The following RAPH1 variants were observed in gnomAD, a reference collection of about 807,000 sequenced individuals.
RAPH1 encodes the protein Ras association (RalGDS/AF-6) and pleckstrin homology domains 1, also known as ras-associated and pleckstrin homology domains-containing protein 1.
In RAPH1, 18 loss-of-function variants were observed where a neutral mutation model predicts 88.1. The ratio of observed to expected loss-of-function variants is 0.20; its 90% CI spans 0.14 to 0.30. The LOEUF (loss-of-function observed/expected upper bound fraction) is 0.30. RAPH1 is among the 10% of genes least tolerant of loss of function. RAPH1 has a pLI of 1.00. For synonymous variants in RAPH1, 587 were observed against 559.0 expected, an observed-to-expected ratio of 1.05 and a Z score of -0.71; for missense variants, 1,448 against 1,543.2, an observed-to-expected ratio of 0.94 and a Z score of 1.03.
At chr2:203,506,764 A>ATATATC (rs1158519944) in intron 1 of RAPH1, among the ~76,000 whole-genome samples, 1 of 129,336 alleles carries the variant, frequency 7.7e-6, no homozygotes. Flanking sequence ...ATATCTATAT[A>ATATATC]TATATCTATA....
At chr2:203,493,915 G>C (rs893438286) in intron 2 of RAPH1, among the ~76,000 whole-genome samples, 4 of 135,110 alleles carry the variant, frequency 3.0e-5, no homozygotes, top group South Asian at 2.4e-4. Flanking sequence ...TGGTTGCACT[G>C]AGCTGAGATC....
chr2:203,433,808 C>T lies in RAPH1; in HGVS notation c.*5629G>A, dbSNP rs551768978. The T allele has an allele frequency of 6.6e-6, 1 of 152,402 alleles. No homozygotes were observed. The highest frequency in any genetic ancestry group is 6.6e-5 in the Admixed American group (1 of 15,254). 9.4% of individuals were successfully genotyped at this position (152,402 alleles called of 1,614,324 possible). On this transcript the variant is annotated 3_prime_UTR_variant, in exon 14 of 14. Transcript: ENST00000319170. ...GTGCCGATCCACAAACACTCAAAGT[C>T]CCCATGTTTAAATGAAATCTATGAA...
At chr2:203,530,342 CAAAT>C (rs1004963225) in intron 1 of RAPH1, among the ~76,000 whole-genome samples, 5 of 152,058 alleles carry the variant, frequency 3.3e-5, no homozygotes, top group Non-Finnish European at 7.4e-5. Flanking sequence ...ATTGTAAACT[CAAAT>C]AAAGAGATAA....
intron 13 of RAPH1, chr2:203,441,879 G>A: frequency 1.5e-6 from 2 of 1,349,716 alleles, no homozygotes; most frequent in Non-Finnish European, 1.9e-6. Flanking sequence ...GTTTAGGAGG[G>A]CTTCCTGGTG....
intron 5 of RAPH1, 96 bp downstream of exon 5, chr2:203,461,752 C>A: frequency 1.2e-6 from 1 of 836,826 alleles, no homozygotes; most frequent in Non-Finnish European, 1.8e-6. Context: ...TGTATCTCTC[C>A]ATATCTTAGA....
chr2:203,486,699 C>T (rs886557002), intron 4 of RAPH1, among the ~76,000 whole-genome samples: 3 of 152,136 alleles, frequency 2.0e-5, no homozygotes, highest in African/African-American at 7.2e-5. Context: ...ATTTTTAAAA[C>T]TGTATTTGCA....
chr2:203,441,011 G>T lies in RAPH1; in HGVS notation c.2179C>A (p.Gln727Lys). 6.6e-7 allele frequency: 1 copy of T among 1,525,464 alleles called. No homozygotes were observed. Among genetic ancestry groups the T allele is most frequent in the Non-Finnish European group, 8.9e-7 (1 of 1,127,396 alleles). 94.5% of individuals were successfully genotyped at this position (1,525,464 alleles called of 1,614,324 possible). Residue 727 changes from glutamine to lysine, a missense_variant, in exon 14 of 14, where the codon CAG becomes AAG. Physicochemically the swap from Gln to Lys is moderately conservative, Grantham distance 53. Coordinates refer to ENST00000319170, the MANE Select transcript of RAPH1 (RefSeq NM_213589.3). ...GGGGCACACGGTGCAGGCTTTAGCTGGGCCATGGCAGAGCCTGGGGTTGGG... is the reference window on the plus strand; with the variant it reads ...GGGGCACACGGTGCAGGCTTTAGCTTGGCCATGGCAGAGCCTGGGGTTGGG... ...PPPTPGSAMA[Q>K]LKPAPCAPSL...
At chr2:203,531,369 C>T (rs544539163) in intron 1 of RAPH1, among the ~76,000 whole-genome samples, 11 of 151,770 alleles carry the variant, frequency 7.2e-5, no homozygotes, top group Admixed American at 5.9e-4. Context: ...CAAACCTGCA[C>T]GTTGTGCATA....
Position 203,506,865 on chromosome 2 carries a change from T to TAG in RAPH1, c.1-11513_1-11512insCT, listed in dbSNP as rs1360269800. On this transcript the variant is annotated intron_variant, in intron 1 of 13. Coordinates refer to ENST00000319170, the MANE Select transcript of RAPH1 (RefSeq NM_213589.3). ...ATATATCTATCTATATCTATATATA[T>TAG]ATATATATATATATAGATATATATA... is the stretch of plus-strand genomic sequence containing the variant. Among the ~76,000 whole-genome samples, 3 of 90,154 alleles carry TAG rather than the reference T, an allele frequency of 3.3e-5. No individual in the cohort carries two copies. In the Admixed American group the frequency reaches 3.7e-4, roughly 11 times the overall value. 59.1% of individuals were successfully genotyped at this position (90,154 alleles called of 152,430 possible). A position where few individuals can be genotyped will look rare whatever the true frequency, so the allele number is the denominator to read the frequency against.
intron 1 of RAPH1, among the ~76,000 whole-genome samples, chr2:203,513,789 C>G (rs1689471835): frequency 6.8e-6 from 1 of 147,244 alleles, no homozygotes; most frequent in Admixed American, 6.8e-5. Flanking sequence ...GAGCCGAGAT[C>G]ACGCCACTGC....
In RAPH1 at chr2:203,440,372, G is replaced by A; in HGVS notation, c.2818C>T (p.Pro940Ser). 1 of 1,598,732 alleles carries A rather than the reference G, an allele frequency of 6.3e-7. No homozygotes were observed. Among genetic ancestry groups the A allele is most frequent in the Non-Finnish European group, 8.5e-7 (1 of 1,171,186 alleles). The part of the protein sequence containing the change: ...PPPSPVPAPP[P>S]PPPPTASPTP... ...GGAGAAGCTGTGGGTGGAGGTGGTG[G>A]TGGTGGGGCTGGGACAGGTGATGGG... The change falls in exon 14 of 14, where the codon CCA (proline) becomes TCA (serine). Residue 940 changes from proline to serine, a missense_variant. This residue lies in a region of RAPH1 where 935 missense variants were observed against 890.1 expected (regional missense o/e 1.05). Transcript: ENST00000319170.
chr2:203,467,955 A>G (rs946493375), intron 4 of RAPH1, among the ~76,000 whole-genome samples: 1 of 151,784 alleles, frequency 6.6e-6, no homozygotes, highest in African/African-American at 2.4e-5. Context: ...TTTTTTGTAG[A>G]GATGGGGTTT....
At chr2:203,467,674 C>T (rs952401683) in intron 4 of RAPH1, among the ~76,000 whole-genome samples, 3 of 152,148 alleles carry the variant, frequency 2.0e-5, no homozygotes, top group Non-Finnish European at 4.4e-5. Flanking sequence ...GGACCAACTT[C>T]AGGACTTGTG....
intron 1 of RAPH1, among the ~76,000 whole-genome samples, chr2:203,526,446 C>T (rs1475231267): frequency 6.6e-6 from 1 of 152,074 alleles, no homozygotes; most frequent in African/African-American, 2.4e-5. Flanking sequence ...ATACACTGGC[C>T]AGGCGAGATG....
intron 1 of RAPH1, among the ~76,000 whole-genome samples, chr2:203,529,765 C>T (rs568565833): frequency 2.1e-4 from 32 of 152,330 alleles, no homozygotes; most frequent in Non-Finnish European, 3.7e-4. Flanking sequence ...CACCATTCTT[C>T]ACCATGGGGC....
chr2:203,480,368 G>A (rs958995413), intron 4 of RAPH1, among the ~76,000 whole-genome samples: 1 of 152,086 alleles, frequency 6.6e-6, no homozygotes, highest in African/African-American at 2.4e-5. Context: ...GGCCAACAGG[G>A]CAAAACGCCG....
At position 203,495,279 on chromosome 2, in the gene RAPH1, G is replaced by C; in HGVS notation, c.75C>G (p.Asp25Glu). The change falls in exon 2 of 14, where the codon GAC becomes GAG. Residue 25 changes from aspartate to glutamate, a missense_variant. Asp to Glu is a conservative substitution (Grantham distance 45). This residue lies in a region of RAPH1 where 513 missense variants were observed against 653.1 expected (regional missense o/e 0.79). Transcript: ENST00000319170. ...EDSDKEDQDLDKMFGAWLGEL... is the reference protein window; with the variant it reads ...EDSDKEDQDLEKMFGAWLGEL... ...CTCCAAGCCAGGCTCCAAACATTTTGTCCAGGTCCTGATCTTCCTTGTCAC... is the reference window on the plus strand; with the variant it reads ...CTCCAAGCCAGGCTCCAAACATTTTCTCCAGGTCCTGATCTTCCTTGTCAC... The C allele has an allele frequency of 6.2e-7, 1 of 1,614,028 alleles. No individual in the cohort carries two copies. The highest frequency in any genetic ancestry group is 8.5e-7 in the Non-Finnish European group (1 of 1,179,982).
chr2:203,441,861 A>G (rs2098504550), intron 13 of RAPH1: 29 of 1,344,410 alleles, frequency 2.2e-5, no homozygotes, highest in Non-Finnish European at 2.6e-5. Context: ...AGCAGATGCT[A>G]TAACTGGGTT....
At chr2:203,441,699 G>A (rs2098504358) in intron 13 of RAPH1, 2 of 1,307,622 alleles carry the variant, frequency 1.5e-6, no homozygotes, top group South Asian at 2.2e-5. Context: ...TTTGAATGGT[G>A]ACAGGATGCA....
Sources: gnomAD v4.1 joint callset for allele counts (sites outside exome capture counted in the v4.1 genomes callset) on GRCh38, gnomAD v4.1.1 for gene constraint, gnomAD v4.1.1 regional missense constraint, MANE v1.5 for transcripts, NCBI Gene and HGNC (gene_info 2026-07-23, HGNC 2026-07-21) for gene names.